PSD3: variants seen among roughly 807,000 people sequenced by gnomAD.
PSD3 encodes PH and SEC7 domain-containing protein 3.
Under a neutral mutation model 105.5 loss-of-function variants are expected in PSD3, and 49 were observed. The ratio of observed to expected loss-of-function variants is 0.46; its 90% CI spans 0.37 to 0.59. The LOEUF is 0.59. Among genes scored for constraint, PSD3 ranks in the 20% least tolerant of loss-of-function variants. The pLI, the probability that PSD3 is intolerant of heterozygous loss-of-function variation, is 0.00. For missense variants in PSD3, 1,561 were observed against 1,263.8 expected (o/e 1.24, Z -3.57); for synonymous variants, 557 against 457.8 (o/e 1.22, Z -2.77).
intron 12 of PSD3, among the ~76,000 whole-genome samples, chr8:18,582,033 G>A (rs1012935983): frequency 2.0e-4 from 31 of 152,082 alleles, no homozygotes; most frequent in Non-Finnish European, 4.0e-4. Flanking sequence ...CAAAGATAAG[G>A]ACTTACTTTA....
chr8:18,828,480 T>C (rs1458555028), intron 4 of PSD3, among the ~76,000 whole-genome samples: 1 of 152,082 alleles, frequency 6.6e-6, no homozygotes, highest in East Asian at 1.9e-4. Context: ...TTAATTCTCT[T>C]GACAAAAGGT....
intron 1 of PSD3, among the ~76,000 whole-genome samples, chr8:18,970,683 G>A (rs892801390): frequency 5.7e-4 from 86 of 152,040 alleles, no homozygotes; most frequent in African/African-American, 1.5e-3. Context: ...GTCTGGATGC[G>A]GTGGTTCGTG....
At chr8:18,869,258 C>T (rs149570395) in intron 3 of PSD3, among the ~76,000 whole-genome samples, 12,293 of 147,672 alleles carry the variant, frequency 0.083, 592 homozygotes, top group African/African-American at 0.14. Flanking sequence ...GGTGCAATCT[C>T]GGCTCACTGC....
chr8:18,815,630 G>A (rs183872723), intron 4 of PSD3, among the ~76,000 whole-genome samples: 1 of 152,152 alleles, frequency 6.6e-6, no homozygotes, highest in African/African-American at 2.4e-5. Flanking sequence ...AAATTCTTAC[G>A]ACACCTTTTC....
chr8:18,714,142 A>G (rs999865801), intron 9 of PSD3, among the ~76,000 whole-genome samples: 2 of 152,224 alleles, frequency 1.3e-5, no homozygotes, highest in African/African-American at 4.8e-5. Flanking sequence ...AAGATGGATT[A>G]AAGACTTAAA....
rs181892812 is a variant in PSD3, at chr8:18,776,406, C to T, written c.2083-10868G>A. On this transcript the variant is annotated intron_variant, in intron 8 of 15. Coordinates refer to ENST00000327040, the MANE Select transcript of PSD3 (RefSeq NM_015310.4). ...TAATTTTTTTTTTTTGTTTTTGAGA[C>T]GGAGTCTCGATCTCTTGCCCAGGCT... Among the ~76,000 whole-genome samples the T allele has an allele frequency of 4.1e-3, 593 of 145,996 alleles. 5 individuals carry two copies. Among genetic ancestry groups the T allele is most frequent in the African/African-American group, 0.014 (558 of 39,746 alleles).
chr8:19,076,476 G>A (rs543732797), intron 1 of PSD3, among the ~76,000 whole-genome samples: 6 of 152,134 alleles, frequency 3.9e-5, no homozygotes, highest in African/African-American at 1.4e-4. Context: ...TGGGAGAGAT[G>A]CAAATATAAA....
chr8:18,652,492 A>AGTTTTTTTTTT (rs1491407758), intron 10 of PSD3, among the ~76,000 whole-genome samples: 1 of 79,800 alleles, frequency 1.3e-5, no homozygotes, highest in East Asian at 3.4e-4. Context: ...GAAAAAGCTT[A>AGTTTTTTTTTT]GTTTTTTTTT....
chr8:18,544,272 C>T (rs117720821), intron 15 of PSD3, among the ~76,000 whole-genome samples: 43 of 150,922 alleles, frequency 2.8e-4, no homozygotes, highest in African/African-American at 3.7e-4. Context: ...CTGCGTACTA[C>T]GAGATGATGG....
intron 1 of PSD3, among the ~76,000 whole-genome samples, chr8:18,958,459 T>C (rs1180268815): frequency 6.6e-6 from 1 of 152,218 alleles, no homozygotes; most frequent in Non-Finnish European, 1.5e-5. Context: ...TACTTTTGGG[T>C]TCCCAGGACA....
At chr8:19,067,784 G>C (rs963625348) in intron 1 of PSD3, among the ~76,000 whole-genome samples, 3 of 152,160 alleles carry the variant, frequency 2.0e-5, no homozygotes, top group Non-Finnish European at 4.4e-5. Context: ...CCTCCCACTG[G>C]AGCCAACTGG....
At chr8:18,791,466 C>T (rs1809711404) in intron 8 of PSD3, among the ~76,000 whole-genome samples, 1 of 152,158 alleles carries the variant, frequency 6.6e-6, no homozygotes, top group Admixed American at 6.5e-5. Flanking sequence ...CTGACAAAAA[C>T]AAGCAATGGG....
chr8:18,834,554 A>C (rs933212388), intron 4 of PSD3, among the ~76,000 whole-genome samples: 2 of 152,326 alleles, frequency 1.3e-5, no homozygotes, highest in East Asian at 3.9e-4. Context: ...AGGAGTGACC[A>C]GCTGATAAAA....
At chr8:18,659,620 A>G (rs1368324873) in intron 9 of PSD3, among the ~76,000 whole-genome samples, 1 of 152,254 alleles carries the variant, frequency 6.6e-6, no homozygotes, top group Non-Finnish European at 1.5e-5. Context: ...TGAAAAGATA[A>G]TAAGACTTGT....
rs144617715 is a variant in PSD3 at position 18,859,760 on chromosome 8, G to T, written c.1634+7914C>A. Among the ~76,000 whole-genome samples, 478 of 152,284 alleles carry T rather than the reference G, an allele frequency of 3.1e-3. 4 individuals are homozygous for T. Among genetic ancestry groups the T allele is most frequent in the African/African-American group, 0.011 (469 of 41,520 alleles). ...GGCTGCAGCTCCCTCACCTGTCTCA[G>T]CTTTCAGAGAATTGAAGAGAGTTAG... On this transcript the variant is annotated intron_variant, in intron 4 of 15. Transcript: ENST00000327040.
At chr8:18,907,208 T>C (rs975555385) in intron 2 of PSD3, among the ~76,000 whole-genome samples, 5 of 152,234 alleles carry the variant, frequency 3.3e-5, no homozygotes, top group African/African-American at 9.6e-5. Flanking sequence ...TCTACAACAG[T>C]GGACAGTGAT....
At chr8:18,960,469 A>T (rs1429678537) in intron 1 of PSD3, among the ~76,000 whole-genome samples, 1 of 152,240 alleles carries the variant, frequency 6.6e-6, no homozygotes, top group East Asian at 1.9e-4. Flanking sequence ...AAACCATAAA[A>T]TAATAGAAAG....
In PSD3 at chr8:18,735,001, G is replaced by C. The variant is rs558172424; in HGVS notation, c.2172+30448C>G. 1.6e-4 allele frequency among the ~76,000 whole-genome samples: 24 copies of C among 152,270 alleles called. No homozygotes were observed. In the South Asian group the frequency reaches 5.0e-3, roughly 32 times the overall value. The stretch of plus-strand genomic sequence containing the variant: ...CAAAGACTGTGCCCTTTATCCCCTT[G>C]AAAGCAATAATTCAGAGTAATATTG... On this transcript the variant is annotated intron_variant, in intron 9 of 15. Coordinates refer to ENST00000327040, the MANE Select transcript of PSD3 (RefSeq NM_015310.4).
chr8:18,828,596 T>C (rs1813419927), intron 4 of PSD3, among the ~76,000 whole-genome samples: 1 of 150,654 alleles, frequency 6.6e-6, no homozygotes, highest in African/African-American at 2.4e-5. Context: ...AGCCCGGGAG[T>C]TCAAGACCAG....
Sources: gnomAD v4.1 joint callset for allele counts (sites outside exome capture counted in the v4.1 genomes callset) on GRCh38, gnomAD v4.1.1 for gene constraint, MANE v1.5 for transcripts, NCBI Gene and HGNC (gene_info 2026-07-23, HGNC 2026-07-21) for gene names.